RBM17: variants seen among roughly 807,000 people sequenced by gnomAD.
RBM17 encodes splicing factor 45.
A neutral mutation model predicts 53.2 loss-of-function variants in RBM17; 7 were observed. That is an observed-to-expected ratio of 0.13 (90% CI 0.07 to 0.25). The LOEUF (loss-of-function observed/expected upper bound fraction) is 0.25, where lower values mean the gene tolerates loss of function less well. Among genes scored for constraint, RBM17 ranks in the 10% least tolerant of loss-of-function variants. The pLI is 1.00. For synonymous variants in RBM17, 167 were observed against 178.1 expected (o/e 0.94, Z 0.50); for missense variants, 257 against 496.7 (o/e 0.52, Z 4.59).
chr10:6,097,010 T>G (rs1258671188), intron 1 of RBM17, 38 bp from the exon 2 acceptor site: 1 of 1,570,788 alleles, frequency 6.4e-7, no homozygotes, highest in Non-Finnish European at 8.6e-7. Context: ...CTTTATTGAA[T>G]TGTGCATTCT....
intron 7 of RBM17, among the ~76,000 whole-genome samples, chr10:6,111,472 T>C (rs562664061): frequency 2.0e-5 from 3 of 152,254 alleles, no homozygotes; most frequent in Non-Finnish European, 4.4e-5. Flanking sequence ...GCCAAGTAGC[T>C]GGGACTACAG....
chr10:6,100,346 G>C (rs921377351), intron 2 of RBM17, among the ~76,000 whole-genome samples: 4 of 152,232 alleles, frequency 2.6e-5, no homozygotes, highest in African/African-American at 9.6e-5. Context: ...GCCTGACGCA[G>C]TGTGCCTGCT....
chr10:6,105,144 AT>A (rs1564567905), intron 4 of RBM17, 47 bp downstream of exon 4: 1 of 1,575,334 alleles, frequency 6.3e-7, no homozygotes, highest in South Asian at 1.1e-5. Flanking sequence ...TGAAATGTTC[AT>A]TAAAATGTTA....
chr10:6,091,906 C>G (rs551259655), intron 1 of RBM17, among the ~76,000 whole-genome samples: 47 of 152,218 alleles, frequency 3.1e-4, no homozygotes, highest in Admixed American at 9.8e-4. Context: ...CTGAGATGCA[C>G]TTGAAAGATA....
intron 9 of RBM17, 120 bp downstream of exon 9, chr10:6,113,701 G>A: frequency 1.4e-6 from 1 of 724,024 alleles, no homozygotes; most frequent in Non-Finnish European, 2.4e-6. Flanking sequence ...AATACTTTGG[G>A]CAGATCCCAC....
chr10:6,098,556 G>GGTTTT lies in RBM17; in HGVS notation c.123+1368_123+1369insGTTTT, dbSNP rs1840613398. Among the ~76,000 whole-genome samples the GGTTTT allele has an allele frequency of 6.6e-4, 58 of 87,980 alleles. No homozygotes were observed. In the South Asian group the frequency reaches 8.2e-3, roughly 13 times the overall value. 57.7% of individuals were successfully genotyped at this position (87,980 alleles called of 152,430 possible). A position where few individuals can be genotyped will look rare whatever the true frequency, so the allele number is the denominator to read the frequency against. ...GTTTGAAAATTTCCGTAATACACAG[G>GGTTTT]TTTTTTGTTTTTTTTTTTTTTTTTT... On this transcript the variant is annotated intron_variant, in intron 2 of 11. Coordinates refer to ENST00000379888, the MANE Select transcript of RBM17 (RefSeq NM_032905.5).
At chr10:6,106,069 G>T in intron 4 of RBM17, 72 bp from the exon 5 acceptor site, 1 of 1,026,134 alleles carries the variant, frequency 9.7e-7, no homozygotes, top group South Asian at 1.3e-5. Flanking sequence ...CTGGTCAAGA[G>T]GAAGTCATCC....
intron 2 of RBM17, among the ~76,000 whole-genome samples, chr10:6,098,700 T>C (rs1840621855): frequency 6.6e-6 from 1 of 150,650 alleles, no homozygotes; most frequent in Non-Finnish European, 1.5e-5. Flanking sequence ...CTCAGCCTCC[T>C]GAGTAACTGG....
chr10:6,115,535 G>A lies in RBM17; in HGVS notation c.1185G>A (p.Leu395=). ...ACAATTTGGACAAATTCAGGGTCTT[G>A]GATTTGGCAGAACAAGTTTGATTTT... The part of the protein sequence containing the change: ...CFYNLDKFRV[L]DLAEQV Residue 395 remains leucine, a synonymous_variant, in exon 12 of 12, where the codon TTG becomes TTA. Coordinates refer to ENST00000379888, the MANE Select transcript of RBM17 (RefSeq NM_032905.5). The A allele has an allele frequency of 6.2e-7, 1 of 1,611,904 alleles. No individual in the cohort carries two copies. The highest frequency in any genetic ancestry group is 8.5e-7 in the Non-Finnish European group (1 of 1,178,228).
intron 2 of RBM17, among the ~76,000 whole-genome samples, chr10:6,098,070 A>G (rs1248324003): frequency 6.6e-6 from 1 of 152,242 alleles, no homozygotes; most frequent in Non-Finnish European, 1.5e-5. Context: ...GTAAAACATT[A>G]AAAACCTAGT....
chr10:6,103,856 C>A (rs556785343), intron 3 of RBM17, among the ~76,000 whole-genome samples: 1 of 152,122 alleles, frequency 6.6e-6, no homozygotes, highest in Non-Finnish European at 1.5e-5. Context: ...GCAGGAAACA[C>A]GTTTACAAAC....
At chr10:6,109,012 T>C (rs983477958) in intron 6 of RBM17, among the ~76,000 whole-genome samples, 1 of 152,226 alleles carries the variant, frequency 6.6e-6, no homozygotes, top group South Asian at 2.1e-4. Context: ...CATTAACATT[T>C]CTTATTTGTT....
Position 6,108,744 on chromosome 10 carries a change from T to G in RBM17, c.562+2T>G. 1 of 1,607,830 alleles carries G rather than the reference T, an allele frequency of 6.2e-7. No individual in the cohort carries two copies. The highest frequency in any genetic ancestry group is 8.5e-7 in the Non-Finnish European group (1 of 1,174,860). The stretch of plus-strand genomic sequence containing the variant: ...CTCTGGTAGAGAAAGACAAAGAGTG[T>G]AAGTAGATCTGTTTCTTCCTCTTTT... On this transcript the variant is annotated splice_donor_variant, in intron 6 of 11. Coordinates refer to ENST00000379888, the MANE Select transcript of RBM17 (RefSeq NM_032905.5). LOFTEE classifies it high-confidence loss of function.
chr10:6,096,475 T>A (rs1840576704), intron 1 of RBM17, among the ~76,000 whole-genome samples: 1 of 152,230 alleles, frequency 6.6e-6, no homozygotes, highest in South Asian at 2.1e-4. Flanking sequence ...ATCACTATCA[T>A]TAAAGATGAC....
At chr10:6,098,721 G>A (rs960070364) in intron 2 of RBM17, among the ~76,000 whole-genome samples, 1 of 152,020 alleles carries the variant, frequency 6.6e-6, no homozygotes, top group Non-Finnish European at 1.5e-5. Context: ...GACTACAGGC[G>A]CCCACCACTG....
chr10:6,108,985 G>A (rs1263735858), intron 6 of RBM17, among the ~76,000 whole-genome samples: 1 of 152,144 alleles, frequency 6.6e-6, no homozygotes, highest in Admixed American at 6.5e-5. Flanking sequence ...TCTTTTTTAT[G>A]CAATTCACTT....
chr10:6,091,005 A>T (rs926402921), intron 1 of RBM17, among the ~76,000 whole-genome samples: 3 of 108,408 alleles, frequency 2.8e-5, no homozygotes, highest in Non-Finnish European at 3.9e-5. Flanking sequence ...ATATAAATAT[A>T]TAAATATTTA....
Position 6,113,645 on chromosome 10 carries a change from C to G in RBM17, c.930+64C>G, listed in dbSNP as rs1011364964. The G allele has an allele frequency of 3.9e-6, 4 of 1,032,542 alleles. No homozygotes were observed. In the African/African-American group the frequency reaches 6.3e-5, roughly 16 times the overall value. 64.0% of individuals were successfully genotyped at this position (1,032,542 alleles called of 1,614,324 possible). On this transcript the variant is annotated intron_variant, in intron 9 of 11. Coordinates refer to ENST00000379888, the MANE Select transcript of RBM17 (RefSeq NM_032905.5). ...ATTTGTGTGTGTCACCCCAGCCTAC[C>G]CTGCTCCCCCTAAAAGTTAAAACTG...
rs748503196 is a variant in RBM17, at chr10:6,104,890, G to A, written c.241-41G>A. 5.7e-6 allele frequency: 9 copies of A among 1,576,814 alleles called. No individual in the cohort carries two copies. The South Asian group carries it at 1.0e-4, about 18-fold the overall frequency. On this transcript the variant is annotated intron_variant, in intron 3 of 11. Transcript: ENST00000379888. ...CTGAATCCTGTGAGTAAACTGGTAAGATATAAAGAGGATTCTTACTGCTGT... is the reference window on the plus strand; with the variant it reads ...CTGAATCCTGTGAGTAAACTGGTAAAATATAAAGAGGATTCTTACTGCTGT...
Sources: allele counts gnomAD v4.1 joint callset (sites outside exome capture counted in the v4.1 genomes callset), GRCh38; gene constraint gnomAD v4.1.1; transcripts MANE v1.5; gene names NCBI Gene and HGNC (gene_info 2026-07-23, HGNC 2026-07-21).